ADGRA2: variants seen among roughly 807,000 people sequenced by gnomAD.
ADGRA2 encodes adhesion G protein-coupled receptor A2.
In ADGRA2, 61 loss-of-function variants were observed where a neutral mutation model predicts 98.7. That is an observed-to-expected ratio of 0.62 (90% CI 0.50 to 0.76). The LOEUF is 0.76. ADGRA2 is among the 30% of genes least tolerant of loss of function. The pLI, the probability that ADGRA2 is intolerant of heterozygous loss-of-function variation, is 0.00. For missense variants in ADGRA2, 1,712 were observed against 1,860.0 expected, an observed-to-expected ratio of 0.92 and a Z score of 1.46; for synonymous variants, 858 against 831.5, an observed-to-expected ratio of 1.03 and a Z score of -0.55.
chr8:37,816,339 T>G (rs1004443319), intron 2 of ADGRA2, among the ~76,000 whole-genome samples: 2 of 151,836 alleles, frequency 1.3e-5, no homozygotes, highest in African/African-American at 2.4e-5. Context: ...ACACCTATAT[T>G]CCCAGCACTT....
intron 1 of ADGRA2, among the ~76,000 whole-genome samples, chr8:37,805,607 C>T (rs1338853401): frequency 2.6e-5 from 4 of 151,774 alleles, no homozygotes; most frequent in Non-Finnish European, 5.9e-5. Context: ...CGGTGGCTCA[C>T]GCCTGTAATT....
Position 37,814,944 on chromosome 8 carries a change from G to T in ADGRA2, c.315G>T (p.Leu105=). The T allele has an allele frequency of 6.2e-7, 1 of 1,612,816 alleles. No individual in the cohort carries two copies. The highest frequency in any genetic ancestry group is 1.1e-5 in the South Asian group (1 of 91,062). ...CGGGGCTCCGCAATGGCTCCTTCCT[G>T]GGACTGTCACTGCTGGAGAAGCTGT... ...KITGLRNGSF[L]GLSLLEKLDL... Residue 105 remains leucine, a synonymous_variant, in exon 2 of 19, where the codon CTG becomes CTT. Transcript: ENST00000412232. This position sits in a 1 kb window ranked among gnomAD's most constrained non-coding sequence, Gnocchi z 4.3.
rs776493599 is a variant in ADGRA2, at chr8:37,833,006, C to A, written c.1098-4C>A. 5.0e-6 allele frequency: 8 copies of A among 1,610,538 alleles called. No homozygotes were observed. Among genetic ancestry groups the A allele is most frequent in the Middle Eastern group, 2.0e-4 (1 of 5,110 alleles). On this transcript the variant is annotated splice_region_variant and splice_polypyrimidine_tract_variant and intron_variant, in intron 8 of 18. Transcript: ENST00000412232. ...CATCGGCAACTTCCTGCCTCTCCCCCCAGGTGGCCCCGAACTCTGGCTGGC... is the reference window on the plus strand; with the variant it reads ...CATCGGCAACTTCCTGCCTCTCCCCACAGGTGGCCCCGAACTCTGGCTGGC...
Position 37,842,188 on chromosome 8 carries a change from G to A in ADGRA2, c.3850G>A (p.Gly1284Ser). 1.3e-6 allele frequency: 2 copies of A among 1,539,440 alleles called. No homozygotes were observed. Among genetic ancestry groups the A allele is most frequent in the South Asian group, 1.2e-5 (1 of 83,298 alleles). ...CAGCCGCGACAGTCTCAAGGGCGGCGGCGCGCTGGAGAAGGAGAGCCATCG... is the reference window on the plus strand; with the variant it reads ...CAGCCGCGACAGTCTCAAGGGCGGCAGCGCGCTGGAGAAGGAGAGCCATCG... ...SASRDSLKGG[G>S]ALEKESHRRS... is the part of the protein sequence containing the mutation. Residue 1284 changes from glycine (G) to serine (S), a missense_variant, in exon 19 of 19, where the codon GGC becomes AGC. Physicochemically the swap from Gly to Ser is moderately conservative, Grantham distance 56. Coordinates refer to ENST00000412232, the MANE Select transcript of ADGRA2 (RefSeq NM_032777.10).
intron 1 of ADGRA2, among the ~76,000 whole-genome samples, chr8:37,804,013 T>C (rs1355112829): frequency 1.3e-5 from 2 of 151,258 alleles, no homozygotes; most frequent in African/African-American, 2.4e-5. Context: ...TTCAGGAGAC[T>C]CAGCATCCAG....
Position 37,814,857 on chromosome 8 carries a change from C to G in ADGRA2, c.267-39C>G, listed in dbSNP as rs113977307. ...GTGAAAGCGGATGCCCAGCACATAA[C>G]AGCACCTTGTCCTGTCTGTGTCCTC... is the stretch of plus-strand genomic sequence containing the variant. On this transcript the variant is annotated intron_variant, in intron 1 of 18. Transcript: ENST00000412232. This position sits in a 1 kb window ranked among gnomAD's most constrained non-coding sequence, Gnocchi z 4.3. The G allele has an allele frequency of 1.3e-6, 2 of 1,502,220 alleles. No individual in the cohort carries two copies. The highest frequency in any genetic ancestry group is 1.9e-6 in the Non-Finnish European group (2 of 1,078,142). 93.1% of individuals were successfully genotyped at this position (1,502,220 alleles called of 1,614,324 possible).
At chr8:37,807,752 C>T (rs1256522023) in intron 1 of ADGRA2, among the ~76,000 whole-genome samples, 2 of 152,054 alleles carry the variant, frequency 1.3e-5, no homozygotes, top group Non-Finnish European at 2.9e-5. Context: ...ACTCTGGGAA[C>T]CTTTAGGAAC....
chr8:37,818,266 C>T (rs1266196766), intron 2 of ADGRA2, among the ~76,000 whole-genome samples: 1 of 152,230 alleles, frequency 6.6e-6, no homozygotes, highest in Non-Finnish European at 1.5e-5. Context: ...CTTCCTCCTC[C>T]TCCTTAGCAC....
At chr8:37,840,577 C>T (rs1300907619) in intron 17 of ADGRA2, among the ~76,000 whole-genome samples, 183 bp from the exon 18 acceptor site, 1 of 152,168 alleles carries the variant, frequency 6.6e-6, no homozygotes, top group Admixed American at 6.5e-5. Context: ...GCCTCTGCCC[C>T]TTAGAACAGT....
chr8:37,804,151 A>ACACG lies in ADGRA2; in HGVS notation c.266+6618_266+6619insACGC, dbSNP rs1554522482. On this transcript the variant is annotated intron_variant, in intron 1 of 18. Transcript: ENST00000412232. ...CACACACACACACACACACACACAC[A>ACACG]CGGCTCTTAGCCAGGCAGCTCTAAC... is the stretch of plus-strand genomic sequence containing the variant. 3.2e-4 allele frequency among the ~76,000 whole-genome samples: 48 copies of ACACG among 148,600 alleles called. 1 individual carries two copies. In the Middle Eastern group the frequency reaches 0.014, roughly 43 times the overall value.
chr8:37,835,034 A>C (rs554531019), intron 11 of ADGRA2, 140 bp from the exon 12 acceptor site: 9 of 626,902 alleles, frequency 1.4e-5, no homozygotes, highest in African/African-American at 1.3e-4. Context: ...CTAAAAAAAA[A>C]AAGAGAGAGA....
chr8:37,830,660 C>G lies in ADGRA2; in HGVS notation c.719-50C>G. The G allele has an allele frequency of 8.7e-7, 1 of 1,148,494 alleles. No individual in the cohort carries two copies. The highest frequency in any genetic ancestry group is 1.3e-6 in the Non-Finnish European group (1 of 789,802). 71.1% of individuals were successfully genotyped at this position (1,148,494 alleles called of 1,614,324 possible). On this transcript the variant is annotated intron_variant, in intron 6 of 18. Coordinates refer to ENST00000412232, the MANE Select transcript of ADGRA2 (RefSeq NM_032777.10). This position sits in a 1 kb window ranked among gnomAD's most constrained non-coding sequence, Gnocchi z 4.8. ...GCTGGACTCTCGCTCACACGTGCAGCCTCACATGCGTGTGCACTCGGGCCT... is the reference window on the plus strand; with the variant it reads ...GCTGGACTCTCGCTCACACGTGCAGGCTCACATGCGTGTGCACTCGGGCCT...
At chr8:37,798,163 T>TA (rs1281282005) in intron 1 of ADGRA2, among the ~76,000 whole-genome samples, 1 of 152,184 alleles carries the variant, frequency 6.6e-6, no homozygotes. Context: ...CCCATCCCTC[T>TA]AGAGGCCCCT....
chr8:37,841,236 C>T lies in ADGRA2; in HGVS notation c.2898C>T (p.Ser966=), dbSNP rs1239126127. 7 of 1,613,644 alleles carry T rather than the reference C, an allele frequency of 4.3e-6. No individual in the cohort carries two copies. The highest frequency in any genetic ancestry group is 5.1e-6 in the Non-Finnish European group (6 of 1,179,994). ...CCAAGGCGGGCAACAGCAGGGCCTCCCTGGAGGCAGGGGAGGAGCTGAGGG... is the reference window on the plus strand; with the variant it reads ...CCAAGGCGGGCAACAGCAGGGCCTCTCTGGAGGCAGGGGAGGAGCTGAGGG... ...QNPKAGNSRA[S]LEAGEELRGS... Residue 966 remains serine, a synonymous_variant, in exon 19 of 19, where the codon TCC becomes TCT. Transcript: ENST00000412232. This position sits in a 1 kb window ranked among gnomAD's most constrained non-coding sequence, Gnocchi z 5.0.
intron 1 of ADGRA2, among the ~76,000 whole-genome samples, chr8:37,807,527 G>T (rs1350921714): frequency 1.3e-5 from 2 of 152,228 alleles, no homozygotes; most frequent in Non-Finnish European, 2.9e-5. Flanking sequence ...TAGAGGCAAT[G>T]CTTCTTTTTT....
chr8:37,809,753 C>T (rs1192642963), intron 1 of ADGRA2, among the ~76,000 whole-genome samples: 1 of 152,154 alleles, frequency 6.6e-6, no homozygotes, highest in East Asian at 1.9e-4. Context: ...CTGCAGCTGC[C>T]CCCCACTCAA....
Position 37,835,785 on chromosome 8 carries a change from T to C in ADGRA2, c.2050+15T>C, listed in dbSNP as rs753076195. 3 of 1,536,186 alleles carry C rather than the reference T, an allele frequency of 2.0e-6. No homozygotes were observed. The highest frequency in any genetic ancestry group is 2.7e-6 in the Non-Finnish European group (3 of 1,111,874). On this transcript the variant is annotated intron_variant, in intron 13 of 18. Coordinates refer to ENST00000412232, the MANE Select transcript of ADGRA2 (RefSeq NM_032777.10). ...CGCAGGAACCAGTAAGGGACTGAATTCCCCGCCCCGCCCAGGGTGCCTCTC... is the reference window on the plus strand; with the variant it reads ...CGCAGGAACCAGTAAGGGACTGAATCCCCCGCCCCGCCCAGGGTGCCTCTC...
In ADGRA2 at chr8:37,835,234, A is replaced by G. The variant is rs1563350878; in HGVS notation, c.1669A>G (p.Thr557Ala). Residue 557 changes from threonine (T) to alanine (A), a missense_variant, in exon 12 of 19, where the codon ACC becomes GCC. Transcript: ENST00000412232. The part of the protein sequence containing the change: ...LIKPHSYVGL[T>A]CTAFQRREGG... ...CAAGCCGCACAGCTACGTGGGCCTG[A>G]CCTGCACAGCCTTCCAGAGGAGGGA... 5 of 1,613,902 alleles carry G rather than the reference A, an allele frequency of 3.1e-6. No individual in the cohort carries two copies. Among genetic ancestry groups the G allele is most frequent in the Non-Finnish European group, 4.2e-6 (5 of 1,179,968 alleles).
rs185245916 is a variant in ADGRA2, at chr8:37,819,579, T to C, written c.338+4612T>C. Reference sequence around the variant, plus strand: ...AGACGGTGTTTCATGTTGCCCAGGATGAGGATGGTCTCGATCTCTTCACCT... The same window carrying C: ...AGACGGTGTTTCATGTTGCCCAGGACGAGGATGGTCTCGATCTCTTCACCT... On this transcript the variant is annotated intron_variant, in intron 2 of 18. Transcript: ENST00000412232. Among the ~76,000 whole-genome samples the C allele has an allele frequency of 1.9e-4, 29 of 152,282 alleles. No individual in the cohort carries two copies. The East Asian group carries it at 5.6e-3, about 29-fold the overall frequency.
Sources: allele counts gnomAD v4.1 joint callset (sites outside exome capture counted in the v4.1 genomes callset), GRCh38; gene constraint gnomAD v4.1.1; non-coding constraint Gnocchi (gnomAD v3.1); transcripts MANE v1.5; gene names NCBI Gene and HGNC (gene_info 2026-07-23, HGNC 2026-07-21).